Variants in PRH1 observed in about 807,000 individuals in gnomAD.
PRH1 encodes the protein proline rich protein HaeIII subfamily 1.
PRH1 carries 7 observed loss-of-function variants against 7.9 expected under a neutral mutation model. That is an observed-to-expected ratio of 0.89 (90% confidence interval 0.50 to 1.67). The LOEUF is 1.67. Ranked by LOEUF, PRH1 falls within the 40% of genes most tolerant of loss-of-function variation. The pLI, the probability that PRH1 is intolerant of heterozygous loss-of-function variation, is 0.00. For synonymous variants in PRH1, 45 were observed against 80.8 expected, an observed-to-expected ratio of 0.56 and a Z score of 2.38; for missense variants, 109 against 223.6, an observed-to-expected ratio of 0.49 and a Z score of 3.27.
At chr12:11,124,849 T>C (rs903117770) in intron 1 of PRH1, among the ~76,000 whole-genome samples, 1 of 149,242 alleles carries the variant, frequency 6.7e-6, no homozygotes, top group Non-Finnish European at 1.5e-5. Context: ...GGATTTACGA[T>C]TTTTTTTTTT....
At position 10,913,918 on chromosome 12, in the gene PRH1, TCTC is replaced by T. The variant is rs796738651; in HGVS notation, c.-58-29646_-58-29644del. Among the ~76,000 whole-genome samples, 9 of 152,268 alleles carry T rather than the reference TCTC, an allele frequency of 5.9e-5. 1 individual carries two copies. The highest frequency in any genetic ancestry group is 2.2e-4 in the African/African-American group (9 of 41,550). Reference sequence around the variant, plus strand: ...AAAACAAAAACAAACAACAAAAACTTCTCCTACGTGGAGTCCCTGAGCTTTGGG... The same window carrying T: ...AAAACAAAAACAAACAACAAAAACTTCTACGTGGAGTCCCTGAGCTTTGGG... On this transcript the variant is annotated intron_variant, in intron 2 of 3. Coordinates refer to the PRH1 transcript ENST00000539853.
intron 2 of PRH1, among the ~76,000 whole-genome samples, chr12:10,912,429 C>A (rs1359341609): frequency 6.6e-6 from 1 of 151,582 alleles, no homozygotes; most frequent in Non-Finnish European, 1.5e-5. Context: ...TTTTTAATAC[C>A]AACAGAATAT....
At chr12:10,892,864 A>T (rs1949594477) in intron 2 of PRH1, among the ~76,000 whole-genome samples, 1 of 152,204 alleles carries the variant, frequency 6.6e-6, no homozygotes, top group Non-Finnish European at 1.5e-5. Context: ...CAATTGGTGA[A>T]GGACTAAAGC....
chr12:10,959,472 G>A (rs969714637), intron 2 of PRH1, among the ~76,000 whole-genome samples: 3 of 152,134 alleles, frequency 2.0e-5, no homozygotes, highest in Non-Finnish European at 2.9e-5. Flanking sequence ...GGAAAAAAAC[G>A]TAAATTTAGA....
At chr12:11,009,536 C>T (rs1470374677) in intron 1 of PRH1, among the ~76,000 whole-genome samples, 5 of 151,852 alleles carry the variant, frequency 3.3e-5, no homozygotes, top group African/African-American at 4.8e-5. Flanking sequence ...CTGACCATAG[C>T]GTCAGTGTCT....
intron 1 of PRH1, chr12:11,091,497 T>C (rs752123624): frequency 0.26 from 237,492 of 914,924 alleles, 73,183 homozygotes; most frequent in Admixed American, 0.34. Context: ...GATATCATTA[T>C]GGACAGAAAG....
intron 2 of PRH1, among the ~76,000 whole-genome samples, chr12:10,957,073 C>T (rs1346307318): frequency 1.3e-5 from 2 of 149,524 alleles, no homozygotes. Flanking sequence ...TTTTAAAATT[C>T]ACTGGGAATG....
At chr12:11,158,541 C>A (rs981157285) in intron 1 of PRH1, among the ~76,000 whole-genome samples, 6 of 151,960 alleles carry the variant, frequency 3.9e-5, no homozygotes, top group African/African-American at 9.7e-5. Flanking sequence ...TTCTCCAAGT[C>A]TCACATACTC....
chr12:10,939,059 G>A (rs758377499), intron 2 of PRH1: 11 of 1,613,978 alleles, frequency 6.8e-6, no homozygotes, highest in Non-Finnish European at 9.3e-6. Context: ...GATTGCCAAA[G>A]CAGTGAGGAT....
chr12:10,928,804 CAA>C (rs987974512), intron 2 of PRH1, among the ~76,000 whole-genome samples: 1 of 152,174 alleles, frequency 6.6e-6, no homozygotes, highest in African/African-American at 2.4e-5. Flanking sequence ...AATAGGCTAT[CAA>C]AAGAGTCAGA....
At chr12:11,151,198 G>A (rs1215465086) in intron 1 of PRH1, among the ~76,000 whole-genome samples, 16 of 151,966 alleles carry the variant, frequency 1.1e-4, no homozygotes, top group African/African-American at 3.9e-4. Flanking sequence ...GAACCTGCAA[G>A]AGTCTGTCAA....
At chr12:11,104,344 T>C (rs540079929) in intron 1 of PRH1, among the ~76,000 whole-genome samples, 2 of 152,292 alleles carry the variant, frequency 1.3e-5, no homozygotes, top group East Asian at 1.9e-4. Context: ...TGTAGGGTTT[T>C]ATCACCAATG....
intron 1 of PRH1, among the ~76,000 whole-genome samples, chr12:11,104,230 C>G (rs575203556): frequency 4.7e-4 from 62 of 131,658 alleles, no homozygotes; most frequent in Non-Finnish European, 6.1e-4. Context: ...TGCTAGCAAT[C>G]CAGATACTCC....
rs533622205 is a variant in PRH1, at chr12:11,105,021, T to G, written n.124-57833A>C. Among the ~76,000 whole-genome samples, 6 of 151,956 alleles carry G rather than the reference T, an allele frequency of 3.9e-5. No homozygotes were observed. The South Asian group carries it at 1.2e-3, about 31-fold the overall frequency. ...ATATTTATTTATATTTCATTATAAA[T>G]TGTCTAACCTTTTTCTTCAAATTTC... is the stretch of plus-strand genomic sequence containing the variant. On this transcript the variant is annotated intron_variant and non_coding_transcript_variant, in intron 1 of 4. Transcript: ENST00000541977.
At chr12:11,045,317 C>CAA (rs34515459) in intron 1 of PRH1, among the ~76,000 whole-genome samples, 548 of 138,716 alleles carry the variant, frequency 4.0e-3, no homozygotes, top group Non-Finnish European at 5.2e-3. Flanking sequence ...TAATGGTTAC[C>CAA]AAAAAAAAAA....
chr12:10,991,534 G>A (rs1320892152), intron 1 of PRH1, among the ~76,000 whole-genome samples: 1 of 151,860 alleles, frequency 6.6e-6, no homozygotes, highest in Admixed American at 6.6e-5. Context: ...ACTTTTAAAT[G>A]TAACTTTGAC....
At chr12:11,061,915 C>T (rs767823825) in intron 1 of PRH1, 2 of 1,613,834 alleles carry the variant, frequency 1.2e-6, no homozygotes, top group African/African-American at 2.7e-5. Context: ...CAGAACAACA[C>T]TCTTAACTCT....
chr12:11,160,824 C>A (rs1340750794), intron 1 of PRH1, among the ~76,000 whole-genome samples: 2 of 152,112 alleles, frequency 1.3e-5, no homozygotes, highest in African/African-American at 4.8e-5. Flanking sequence ...ATATTCAAGA[C>A]AGGTTTAAGG....
At position 10,947,537 on chromosome 12, in the gene PRH1, C is replaced by T. The variant is rs151041341; in HGVS notation, c.-59+26118G>A. ...CCTATGAGTGTCATTAAATTTGAGA[C>T]GGGTCTCTTGAAGACAGAATACCAT... is the stretch of plus-strand genomic sequence containing the variant. On this transcript the variant is annotated intron_variant, in intron 2 of 3. Transcript: ENST00000539853. Among the ~76,000 whole-genome samples the T allele has an allele frequency of 7.9e-4, 120 of 152,100 alleles. 1 individual carries two copies. The South Asian group carries it at 9.1e-3, about 12-fold the overall frequency.
Sources: gnomAD v4.1 joint callset for allele counts (sites outside exome capture counted in the v4.1 genomes callset) on GRCh38, gnomAD v4.1.1 for gene constraint, MANE v1.5 for transcripts, NCBI Gene and HGNC (gene_info 2026-07-23, HGNC 2026-07-21) for gene names.